The following PSCA variants were observed in gnomAD, a reference collection of about 807,000 sequenced individuals.
The protein encoded by PSCA is prostate stem cell antigen.
In PSCA, 7 loss-of-function variants were observed where a neutral mutation model predicts 7.9. The observed-to-expected ratio is 0.89, with a 90% CI of 0.51 to 1.67. PSCA has a LOEUF of 1.67. PSCA is among the 40% of genes most tolerant of loss of function. The pLI, the probability that PSCA is intolerant of heterozygous loss-of-function variation, is 0.00. For missense variants in PSCA, 151 were observed against 147.9 expected (o/e 1.02, Z -0.11); for synonymous variants, 61 against 68.3 (o/e 0.89, Z 0.53).
chr8:142,674,001 G>T (rs3098901), intron 1 of PSCA, among the ~76,000 whole-genome samples: 47 of 131,236 alleles, frequency 3.6e-4, no homozygotes, highest in African/African-American at 1.2e-3. Flanking sequence ...TCAGCAGAGC[G>T]CAGATCACCC....
upstream of PSCA, among the ~76,000 whole-genome samples, chr8:142,677,146 AC>A (rs1161922337): frequency 1.3e-5 from 2 of 152,158 alleles, no homozygotes; most frequent in Non-Finnish European, 2.9e-5. Flanking sequence ...GTTCAGACTG[AC>A]CACAGTGAGG....
Position 142,674,314 on chromosome 8 carries a change from A to T in PSCA, n.261+3746A>T, listed in dbSNP as rs376304282. 2.9e-5 allele frequency among the ~76,000 whole-genome samples: 4 copies of T among 139,662 alleles called. 1 individual carries two copies. The highest frequency in any genetic ancestry group is 1.2e-4 in the African/African-American group (4 of 34,420). 91.6% of individuals were successfully genotyped at this position (139,662 alleles called of 152,430 possible). ...CTGGGAATCGTTTCAGTCTAACCTCAGCAGAGCTCAGACTCCCCTCATCTT... is the reference window on the plus strand; with the variant it reads ...CTGGGAATCGTTTCAGTCTAACCTCTGCAGAGCTCAGACTCCCCTCATCTT... On this transcript the variant is annotated intron_variant and non_coding_transcript_variant, in intron 1 of 1. Coordinates refer to the PSCA transcript ENST00000505305.
At chr8:142,678,234 C>T (rs587731777), upstream of PSCA, among the ~76,000 whole-genome samples, 34 of 152,128 alleles carry the variant, frequency 2.2e-4, no homozygotes, top group African/African-American at 7.7e-4. Flanking sequence ...GGGGCAAAAT[C>T]GAGGAGAGGA....
chr8:142,677,621 G>A (rs1209509807), upstream of PSCA, among the ~76,000 whole-genome samples: 1 of 152,144 alleles, frequency 6.6e-6, no homozygotes, highest in Admixed American at 6.5e-5. Context: ...GGCGGGGGGC[G>A]GAGGGAGGAT....
chr8:142,671,914 G>T (rs186381302), intron 1 of PSCA, among the ~76,000 whole-genome samples: 1 of 152,140 alleles, frequency 6.6e-6, no homozygotes, highest in Non-Finnish European at 1.5e-5. Context: ...TCCCTTGCTG[G>T]TTCCTTACTG....
At chr8:142,674,202 C>T (rs1210679321) in intron 1 of PSCA, among the ~76,000 whole-genome samples, 2 of 149,946 alleles carry the variant, frequency 1.3e-5, no homozygotes, top group Non-Finnish European at 3.0e-5. Flanking sequence ...GCTCAGATCC[C>T]CCATCTTCCT....
At position 142,673,496 on chromosome 8, in the gene PSCA, G is replaced by C. The variant is rs1038768941; in HGVS notation, n.261+2928G>C. Among the ~76,000 whole-genome samples, 1 of 152,218 alleles carries C rather than the reference G, an allele frequency of 6.6e-6. No homozygotes were observed. Among genetic ancestry groups the C allele is most frequent in the Non-Finnish European group, 1.5e-5 (1 of 68,038 alleles). ...CCCAGTGGGTTCATTTTGACCCCTG[G>C]CAAGATAGAGCTGATTTAGCAAGAC... On this transcript the variant is annotated intron_variant and non_coding_transcript_variant, in intron 1 of 1. Coordinates refer to the PSCA transcript ENST00000505305. The surrounding 1 kb of genome is among the most constrained non-coding windows in gnomAD (Gnocchi z 4.6).
chr8:142,678,517 G>A (rs1057242109), upstream of PSCA, among the ~76,000 whole-genome samples: 3 of 152,258 alleles, frequency 2.0e-5, no homozygotes, highest in Non-Finnish European at 2.9e-5. Context: ...GAAGCCACCA[G>A]CCCCTCGGGC....
At chr8:142,680,446 G>T, upstream of PSCA, 1 of 1,463,226 alleles carries the variant, frequency 6.8e-7, no homozygotes, top group Non-Finnish European at 9.4e-7. Context: ...GGGCAGTCCA[G>T]CCTCTCCCCA....
chr8:142,675,971 G>A (rs1847396265), upstream of PSCA: 1 of 152,268 alleles, frequency 6.6e-6, no homozygotes, highest in Non-Finnish European at 1.5e-5. Flanking sequence ...ACACAGGGAT[G>A]TGTGTTCCAG....
chr8:142,681,865 G>A, intron 2 of PSCA, 56 bp from the exon 3 acceptor site: 1 of 1,304,622 alleles, frequency 7.7e-7, no homozygotes, highest in Non-Finnish European at 1.1e-6. Context: ...GCCTGGGGCA[G>A]GTCAGGCAGG....
upstream of PSCA, among the ~76,000 whole-genome samples, chr8:142,677,993 G>A (rs587728763): frequency 2.0e-5 from 3 of 152,198 alleles, no homozygotes; most frequent in South Asian, 2.1e-4. Flanking sequence ...CAGGGAGGTC[G>A]GGTCTTGCAT....
chr8:142,680,441 G>C (rs1847448537), upstream of PSCA: 1 of 1,452,734 alleles, frequency 6.9e-7, no homozygotes. Context: ...ACTGTGGGCA[G>C]TCCAGCCTCT....
At chr8:142,678,776 G>A (rs11777039), upstream of PSCA, among the ~76,000 whole-genome samples, 3 of 149,938 alleles carry the variant, frequency 2.0e-5, no homozygotes, top group South Asian at 2.1e-4. Flanking sequence ...CCACCCAGCT[G>A]GCTGGCAGGA....
Position 142,682,276 on chromosome 8 carries a change from C to T in PSCA, c.*144C>T, listed in dbSNP as rs1045718223. ...AGTCTGACCATGTATGTCTGCGCCC[C>T]TGTCCCCCACCCTGACCCTCCCATG... On this transcript the variant is annotated 3_prime_UTR_variant, in exon 3 of 3. Coordinates refer to ENST00000301258, the MANE Select transcript of PSCA (RefSeq NM_005672.5). 1.0e-5 allele frequency: 10 copies of T among 1,004,684 alleles called. No homozygotes were observed. The highest frequency in any genetic ancestry group is 1.5e-5 in the Non-Finnish European group (10 of 662,210). The allele number at this position is 1,004,684 out of a possible 1,614,324, so 62.2% of individuals were successfully genotyped here.
Position 142,673,997 on chromosome 8 carries a change from G to C in PSCA, n.261+3429G>C, listed in dbSNP as rs1393105546. On this transcript the variant is annotated intron_variant and non_coding_transcript_variant, in intron 1 of 1. Transcript: ENST00000505305. The surrounding 1 kb of genome is among the most constrained non-coding windows in gnomAD (Gnocchi z 4.6). ...GAATCGTTTCAGTCTAACCTCAGCA[G>C]AGCGCAGATCACCCATCTTCCTAAT... 6.7e-6 allele frequency among the ~76,000 whole-genome samples: 1 copy of C among 148,472 alleles called. No individual in the cohort carries two copies. The highest frequency in any genetic ancestry group is 1.5e-5 in the Non-Finnish European group (1 of 67,264).
intron 1 of PSCA, among the ~76,000 whole-genome samples, chr8:142,672,855 T>A (rs1292012870): frequency 1.3e-5 from 2 of 152,152 alleles, no homozygotes; most frequent in Non-Finnish European, 2.9e-5. Context: ...GCCCACAGAT[T>A]GGTATGACCA....
chr8:142,679,626 G>A (rs7001751), upstream of PSCA, among the ~76,000 whole-genome samples: 894 of 152,344 alleles, frequency 5.9e-3, 8 homozygotes, highest in African/African-American at 0.02. Context: ...AAGGTGGGCA[G>A]CTGGAACTGG....
rs1587548904 is a variant in PSCA at position 142,682,680 on chromosome 8, C to A, written c.*548C>A. ...ATTCGTGGGGCTCCCTGAATGGCAG[C>A]CTCAGCACAGCGTAGGCCCTTAATA... is the stretch of plus-strand genomic sequence containing the variant. On this transcript the variant is annotated 3_prime_UTR_variant, in exon 3 of 3. Transcript: ENST00000301258. 5.8e-6 allele frequency: 2 copies of A among 345,278 alleles called. No individual in the cohort carries two copies. Among genetic ancestry groups the A allele is most frequent in the South Asian group, 2.2e-5 (1 of 44,720 alleles). 21.4% of individuals were successfully genotyped at this position (345,278 alleles called of 1,614,324 possible).
Sources: allele counts gnomAD v4.1 joint callset (sites outside exome capture counted in the v4.1 genomes callset), GRCh38; gene constraint gnomAD v4.1.1; non-coding constraint Gnocchi (gnomAD v3.1); transcripts MANE v1.5; gene names NCBI Gene and HGNC (gene_info 2026-07-23, HGNC 2026-07-21).